Variants in PPP4R3B observed in about 807,000 individuals in gnomAD.
The protein encoded by PPP4R3B is protein phosphatase 4 regulatory subunit 3B, also known as serine/threonine-protein phosphatase 4 regulatory subunit 3B.
Under a neutral mutation model 95.4 loss-of-function variants are expected in PPP4R3B, and 52 were observed. The observed-to-expected ratio is 0.54, with a 90% CI of 0.44 to 0.69. The LOEUF (loss-of-function observed/expected upper bound fraction) is 0.69. Among genes scored for constraint, PPP4R3B ranks in the 30% least tolerant of loss-of-function variants. The pLI, the probability that PPP4R3B is intolerant of heterozygous loss-of-function variation, is 0.00. For missense variants in PPP4R3B, 1,003 were observed against 1,005.9 expected (o/e 1.00, Z 0.04); for synonymous variants, 407 against 343.9 (o/e 1.18, Z -2.03).
intron 2 of PPP4R3B, among the ~76,000 whole-genome samples, chr2:55,613,542 T>C (rs1694487070): frequency 6.6e-6 from 1 of 152,156 alleles, no homozygotes; most frequent in Non-Finnish European, 1.5e-5. Context: ...TAGAGCAACA[T>C]TATACATGAA....
At chr2:55,574,105 C>T (rs2104091420) in intron 11 of PPP4R3B, among the ~76,000 whole-genome samples, 1 of 151,496 alleles carries the variant, frequency 6.6e-6, no homozygotes. Context: ...GTTGTCTGGA[C>T]TGGTCTCAAA....
At position 55,598,340 on chromosome 2, in the gene PPP4R3B, T is replaced by A. The variant is rs1692084673; in HGVS notation, c.921+76A>T. 1.3e-5 allele frequency: 19 copies of A among 1,407,902 alleles called. No homozygotes were observed. In the South Asian group the frequency reaches 2.6e-4, roughly 20 times the overall value. 87.2% of individuals were successfully genotyped at this position (1,407,902 alleles called of 1,614,324 possible). On this transcript the variant is annotated intron_variant, in intron 4 of 16. Coordinates refer to ENST00000616407, the MANE Select transcript of PPP4R3B (RefSeq NM_001122964.3). ...AATAAATCTTTCAAAAAATAGAGGG[T>A]ATAAACACCTGCTTGAACTATTAAG...
chr2:55,609,576 G>A (rs1693878049), intron 2 of PPP4R3B, among the ~76,000 whole-genome samples: 1 of 151,780 alleles, frequency 6.6e-6, no homozygotes, highest in African/African-American at 2.4e-5. Context: ...AGGAGGCTGA[G>A]GTGGGAGCCT....
chr2:55,617,316 C>T lies in PPP4R3B; in HGVS notation c.-31G>A, dbSNP rs1035000557. On this transcript the variant is annotated 5_prime_UTR_variant, in exon 1 of 17. Transcript: ENST00000616407. ...CTGCTGTCTCCACCGCTCTAGCCGC[C>T]GCCTCCTCGCTTACCTCGTCCGCGC... 1 of 1,550,594 alleles carries T rather than the reference C, an allele frequency of 6.4e-7. No individual in the cohort carries two copies. Among genetic ancestry groups the T allele is most frequent in the Middle Eastern group, 1.8e-4 (1 of 5,658 alleles).
At chr2:55,558,364 CTT>C (rs1686122788) in intron 16 of PPP4R3B, among the ~76,000 whole-genome samples, 1 of 148,240 alleles carries the variant, frequency 6.7e-6, no homozygotes, top group African/African-American at 2.5e-5. Context: ...ATGAAATTCT[CTT>C]TGAGAGGCCG....
chr2:55,581,354 G>A (rs572416254), intron 8 of PPP4R3B, among the ~76,000 whole-genome samples: 1 of 152,138 alleles, frequency 6.6e-6, no homozygotes, highest in East Asian at 1.9e-4. Flanking sequence ...ACACATAGAG[G>A]CCAAGGGCCA....
At chr2:55,577,442 T>C in intron 10 of PPP4R3B, 86 bp from the exon 11 acceptor site, 1 of 1,206,234 alleles carries the variant, frequency 8.3e-7, no homozygotes. Context: ...ACAATGCATG[T>C]CTTCAATCAT....
chr2:55,585,943 G>C (rs1260048832), intron 6 of PPP4R3B, among the ~76,000 whole-genome samples: 1 of 145,826 alleles, frequency 6.9e-6, no homozygotes, highest in Non-Finnish European at 1.5e-5. Flanking sequence ...CAGAGGCTGT[G>C]TGACATGATA....
chr2:55,581,315 A>G (rs1488110074), intron 8 of PPP4R3B, among the ~76,000 whole-genome samples: 1 of 152,210 alleles, frequency 6.6e-6, no homozygotes, highest in Non-Finnish European at 1.5e-5. Context: ...GTATAATCAC[A>G]TTGCTGTGTA....
rs373812967 is a variant in PPP4R3B, at chr2:55,617,145, G to A, written c.141C>T (p.Asp47=). 2.0e-5 allele frequency: 32 copies of A among 1,610,572 alleles called. No homozygotes were observed. The highest frequency in any genetic ancestry group is 1.0e-4 in the Admixed American group (6 of 58,948). ...ATTCTACAGTTCCGATAACCTTACC[G>A]TCGGACTCTGCCCGAACCAGCAGCG... ...GMSLLVRAES[D]GSLLLESKIN... is the part of the protein sequence containing the mutation. Residue 47 remains aspartate, a splice_region_variant and synonymous_variant, in exon 1 of 17, where the codon GAC becomes GAT. Coordinates refer to ENST00000616407, the MANE Select transcript of PPP4R3B (RefSeq NM_001122964.3).
intron 7 of PPP4R3B, among the ~76,000 whole-genome samples, chr2:55,582,752 C>G (rs1392063035): frequency 6.6e-6 from 1 of 152,054 alleles, no homozygotes; most frequent in Non-Finnish European, 1.5e-5. Context: ...TATAAGGATT[C>G]TTTTAAAATA....
intron 7 of PPP4R3B, among the ~76,000 whole-genome samples, chr2:55,581,957 A>G (rs1689505331): frequency 6.6e-6 from 1 of 152,124 alleles, no homozygotes; most frequent in African/African-American, 2.4e-5. Context: ...GCATGCTTCA[A>G]CTTATAGGAA....
chr2:55,569,503 G>A (rs1345991370), intron 12 of PPP4R3B, among the ~76,000 whole-genome samples: 2 of 152,160 alleles, frequency 1.3e-5, no homozygotes, highest in Non-Finnish European at 2.9e-5. Flanking sequence ...CTGCCTTCTA[G>A]AAAGCAGTAG....
intron 1 of PPP4R3B, among the ~76,000 whole-genome samples, chr2:55,616,174 A>G (rs1180147781): frequency 6.6e-6 from 1 of 152,152 alleles, no homozygotes; most frequent in Non-Finnish European, 1.5e-5. Context: ...AAGTTGTTTT[A>G]TTGCATTCCC....
intron 16 of PPP4R3B, among the ~76,000 whole-genome samples, chr2:55,557,625 T>TA (rs1158138258): frequency 1.3e-5 from 2 of 152,224 alleles, no homozygotes; most frequent in African/African-American, 2.4e-5. Flanking sequence ...AGAGCCTATC[T>TA]CACTATACTA....
chr2:55,600,213 G>A (rs1219230953), intron 3 of PPP4R3B, among the ~76,000 whole-genome samples: 4 of 152,004 alleles, frequency 2.6e-5, no homozygotes, highest in Admixed American at 6.6e-5. Flanking sequence ...GATCACCTGA[G>A]GTCAGGAGTT....
At chr2:55,552,954 G>C (rs775507987) in intron 16 of PPP4R3B, among the ~76,000 whole-genome samples, 11 of 152,162 alleles carry the variant, frequency 7.2e-5, no homozygotes, top group Admixed American at 5.9e-4. Flanking sequence ...AGGCAGTAAA[G>C]GCACCAAAAT....
chr2:55,565,181 CT>C, intron 13 of PPP4R3B, 140 bp from the exon 14 acceptor site: 1 of 622,534 alleles, frequency 1.6e-6, no homozygotes, highest in Non-Finnish European at 2.6e-6. Flanking sequence ...GTCCTGGTTT[CT>C]TTACACATGA....
chr2:55,570,404 G>C (rs1177303532), intron 12 of PPP4R3B, among the ~76,000 whole-genome samples: 1 of 152,142 alleles, frequency 6.6e-6, no homozygotes, highest in Non-Finnish European at 1.5e-5. Context: ...TAATGAATAA[G>C]AAGTACAACT....
Sources: gnomAD v4.1 joint callset for allele counts (sites outside exome capture counted in the v4.1 genomes callset) on GRCh38, gnomAD v4.1.1 for gene constraint, MANE v1.5 for transcripts, NCBI Gene and HGNC (gene_info 2026-07-23, HGNC 2026-07-21) for gene names.